Variants in IL1RAPL1 observed in about 807,000 individuals in gnomAD.
The protein encoded by IL1RAPL1 is interleukin-1 receptor accessory protein-like 1.
IL1RAPL1 carries 3 observed loss-of-function variants against 48.4 expected under a neutral mutation model. The observed-to-expected ratio is 0.06, with a 90% CI of 0.03 to 0.16. The LOEUF is 0.16. Among genes scored for constraint, IL1RAPL1 ranks in the 10% least tolerant of loss-of-function variants. The pLI, the probability that IL1RAPL1 is intolerant of heterozygous loss-of-function variation, is 1.00. For synonymous variants in IL1RAPL1, 185 were observed against 187.7 expected, an observed-to-expected ratio of 0.99 and a Z score of 0.12; for missense variants, 349 against 530.6, an observed-to-expected ratio of 0.66 and a Z score of 3.36.
At chrX:29,766,577 C>A (rs1475716191) in intron 6 of IL1RAPL1, among the ~76,000 whole-genome samples, 1 of 95,836 alleles carries the variant, frequency 1.0e-5, no homozygotes, top group East Asian at 3.1e-4. Context: ...ATCCATATGT[C>A]CTCCACCCAA....
chrX:29,926,697 C>CT (rs1249280599), intron 8 of IL1RAPL1, among the ~76,000 whole-genome samples: 1 of 111,425 alleles, frequency 9.0e-6, no homozygotes, highest in East Asian at 2.8e-4. Flanking sequence ...TGGGGGCTGT[C>CT]CTGTGCATTG....
At chrX:28,594,668 C>T (rs928696140) in intron 1 of IL1RAPL1, among the ~76,000 whole-genome samples, 9 of 112,030 alleles carry the variant, frequency 8.0e-5, no homozygotes, top group Non-Finnish European at 1.7e-4. Context: ...TATGTCCTGG[C>T]ATACAGCATT....
At chrX:29,269,244 T>G (rs958801240) in intron 2 of IL1RAPL1, among the ~76,000 whole-genome samples, 1 of 112,057 alleles carries the variant, frequency 8.9e-6, no homozygotes, top group Non-Finnish European at 1.9e-5. Flanking sequence ...ATATGCAGAC[T>G]GTAAAGATAA....
chrX:29,304,629 A>G (rs757895346), intron 3 of IL1RAPL1, among the ~76,000 whole-genome samples: 2 of 112,094 alleles, frequency 1.8e-5, no homozygotes, highest in African/African-American at 6.5e-5. Context: ...AATAAGCGCT[A>G]TGTTGATAAA....
At chrX:28,763,369 C>T (rs758953176) in intron 1 of IL1RAPL1, among the ~76,000 whole-genome samples, 23 of 112,001 alleles carry the variant, frequency 2.1e-4, no homozygotes, top group African/African-American at 6.5e-4. Flanking sequence ...TGATAATTGT[C>T]GTCATGCATG....
intron 2 of IL1RAPL1, among the ~76,000 whole-genome samples, chrX:28,912,697 G>T (rs1314596926): frequency 9.0e-6 from 1 of 110,882 alleles, no homozygotes; most frequent in East Asian, 2.8e-4. Flanking sequence ...TTGGAAATGG[G>T]CAATTTATTC....
intron 6 of IL1RAPL1, among the ~76,000 whole-genome samples, chrX:29,872,574 G>A (rs1249506884): frequency 1.8e-5 from 2 of 112,030 alleles, no homozygotes; most frequent in African/African-American, 3.2e-5. Context: ...AGGCCCAAGG[G>A]AGTTTCCAAC....
At chrX:29,453,999 A>G (rs762379978) in intron 5 of IL1RAPL1, among the ~76,000 whole-genome samples, 1 of 112,124 alleles carries the variant, frequency 8.9e-6, no homozygotes, top group African/African-American at 3.2e-5. Context: ...CTTGCCCTGA[A>G]TTTTTTTCCT....
intron 5 of IL1RAPL1, among the ~76,000 whole-genome samples, chrX:29,606,408 C>G (rs1923894404): frequency 8.9e-6 from 1 of 111,916 alleles, no homozygotes; most frequent in Non-Finnish European, 1.9e-5. Flanking sequence ...AATAAGGAAA[C>G]TAACAGGTGA....
At chrX:29,090,023 G>A (rs1008336605) in intron 2 of IL1RAPL1, among the ~76,000 whole-genome samples, 2 of 106,396 alleles carry the variant, frequency 1.9e-5, no homozygotes, top group African/African-American at 6.8e-5. Flanking sequence ...CAACAGAACC[G>A]GTCACTATGA....
chrX:29,466,423 C>T (rs1934863182), intron 5 of IL1RAPL1, among the ~76,000 whole-genome samples: 1 of 111,882 alleles, frequency 8.9e-6, no homozygotes, highest in Non-Finnish European at 1.9e-5. Flanking sequence ...ACCTCCTGTC[C>T]CATCAGTGTT....
chrX:29,515,072 A>C (rs1388976490), intron 5 of IL1RAPL1, among the ~76,000 whole-genome samples: 1 of 112,450 alleles, frequency 8.9e-6, no homozygotes, highest in Non-Finnish European at 1.9e-5. Context: ...ATTTGTAATA[A>C]TTCTCAGTCA....
intron 2 of IL1RAPL1, among the ~76,000 whole-genome samples, chrX:29,151,147 C>T (rs775031275): frequency 9.0e-6 from 1 of 110,540 alleles, no homozygotes; most frequent in Non-Finnish European, 1.9e-5. Context: ...AACAAACAAA[C>T]AAACAAGCAA....
chrX:29,770,281 T>A (rs952137917), intron 6 of IL1RAPL1, among the ~76,000 whole-genome samples: 7 of 111,779 alleles, frequency 6.3e-5, no homozygotes, highest in African/African-American at 2.3e-4. Flanking sequence ...TCAAGTTCGG[T>A]GCATGTCTAT....
chrX:29,956,050 C>A lies in IL1RAPL1; in HGVS notation c.*230C>A. ...CATTTTTTGACTTTGTTTTATATGT[C>A]GTTGGAATTTGTAAATTTACATTTT... On this transcript the variant is annotated 3_prime_UTR_variant, in exon 11 of 11. Coordinates refer to ENST00000378993, the MANE Select transcript of IL1RAPL1 (RefSeq NM_014271.4). 2.5e-6 allele frequency: 1 copy of A among 397,267 alleles called. No individual in the cohort carries two copies. Among genetic ancestry groups the A allele is most frequent in the Non-Finnish European group, 4.4e-6 (1 of 228,383 alleles). 32.7% of individuals were successfully genotyped at this position (397,267 alleles called of 1,213,427 possible). A position where few individuals can be genotyped will look rare whatever the true frequency, so the allele number is the denominator to read the frequency against.
chrX:28,990,671 T>A (rs1349462187), intron 2 of IL1RAPL1, among the ~76,000 whole-genome samples: 1 of 111,557 alleles, frequency 9.0e-6, no homozygotes, highest in Non-Finnish European at 1.9e-5. Flanking sequence ...TCTGTTGAGA[T>A]CTTTCTATAT....
chrX:29,187,138 TAA>T (rs956553346), intron 2 of IL1RAPL1, among the ~76,000 whole-genome samples: 7 of 112,015 alleles, frequency 6.2e-5, no homozygotes, highest in African/African-American at 1.9e-4. Context: ...AAAATAAAAA[TAA>T]AGAAACTTGT....
intron 2 of IL1RAPL1, among the ~76,000 whole-genome samples, chrX:29,089,749 A>AATATATATATATATAT (rs1159198583): frequency 0.03 from 500 of 16,900 alleles, 30 homozygotes; most frequent in African/African-American, 0.038. Flanking sequence ...GAGAAATATG[A>AATATATATATATATAT]ATATATATAT....
At chrX:28,629,549 G>A (rs1170175028) in intron 1 of IL1RAPL1, among the ~76,000 whole-genome samples, 1 of 112,036 alleles carries the variant, frequency 8.9e-6, no homozygotes, top group Non-Finnish European at 1.9e-5. Flanking sequence ...GGGACCAAAC[G>A]GAAAGTGAAT....
Sources: gnomAD v4.1 joint callset for allele counts (sites outside exome capture counted in the v4.1 genomes callset) on GRCh38, gnomAD v4.1.1 for gene constraint, MANE v1.5 for transcripts, NCBI Gene and HGNC (gene_info 2026-07-23, HGNC 2026-07-21) for gene names.